The following BMPR1B variants were observed in gnomAD, a reference collection of about 807,000 sequenced individuals.
The protein encoded by BMPR1B is bone morphogenetic protein receptor type 1B, also known as bone morphogenetic protein receptor type-1B.
A neutral mutation model predicts 59.1 loss-of-function variants in BMPR1B; 12 were observed. The ratio of observed to expected loss-of-function variants is 0.20; its 90% CI spans 0.13 to 0.33. The LOEUF (loss-of-function observed/expected upper bound fraction) is 0.33. Ranked by LOEUF, BMPR1B falls within the 10% of genes least tolerant of loss-of-function variation. The pLI is 1.00. For synonymous variants in BMPR1B, 237 were observed against 207.3 expected (o/e 1.14, Z -1.23); for missense variants, 550 against 610.9 (o/e 0.90, Z 1.05).
At chr4:94,791,493 AT>A (rs1722987785) in intron 1 of BMPR1B, among the ~76,000 whole-genome samples, 1 of 152,222 alleles carries the variant, frequency 6.6e-6, no homozygotes, top group Non-Finnish European at 1.5e-5. Flanking sequence ...CTCTTGGGAA[AT>A]TTTGAAATAT....
intron 2 of BMPR1B, among the ~76,000 whole-genome samples, chr4:94,902,226 A>G (rs1190249965): frequency 2.4e-5 from 2 of 84,186 alleles, no homozygotes; most frequent in East Asian, 6.5e-4. Context: ...TCACACACAC[A>G]CACACACACA....
chr4:95,059,659 TTAAA>T (rs67310286), intron 3 of BMPR1B, among the ~76,000 whole-genome samples: 5,303 of 152,320 alleles, frequency 0.035, 122 homozygotes, highest in Non-Finnish European at 0.049. Context: ...TCTTTTTTTG[TTAAA>T]TAAACTTAAT....
intron 3 of BMPR1B, among the ~76,000 whole-genome samples, chr4:95,098,966 T>C (rs1354178855): frequency 1.3e-5 from 2 of 152,190 alleles, no homozygotes; most frequent in African/African-American, 4.8e-5. Flanking sequence ...TCTGCCTGCC[T>C]CAGCCTCCCA....
chr4:94,793,394 C>T (rs1442834359), intron 1 of BMPR1B, among the ~76,000 whole-genome samples: 1 of 151,118 alleles, frequency 6.6e-6, no homozygotes, highest in Non-Finnish European at 1.5e-5. Flanking sequence ...ATATGTGCCA[C>T]ATTTTCTTAA....
intron 1 of BMPR1B, among the ~76,000 whole-genome samples, chr4:94,818,070 G>A (rs1041518854): frequency 6.6e-6 from 1 of 152,052 alleles, no homozygotes; most frequent in Non-Finnish European, 1.5e-5. Context: ...GTTAACCCAG[G>A]TTTGAGGGCC....
chr4:94,976,822 T>A (rs1037626142), intron 2 of BMPR1B, among the ~76,000 whole-genome samples: 1 of 152,138 alleles, frequency 6.6e-6, no homozygotes, highest in African/African-American at 2.4e-5. Context: ...TTGGTCATGT[T>A]GCCATTTGCT....
intron 8 of BMPR1B, among the ~76,000 whole-genome samples, chr4:95,125,867 G>A (rs982909639): frequency 6.6e-6 from 1 of 152,028 alleles, no homozygotes; most frequent in Non-Finnish European, 1.5e-5. Context: ...TTCTTTCCCA[G>A]CTTGGTATGT....
At chr4:95,123,578 A>G (rs1263087207) in intron 6 of BMPR1B, among the ~76,000 whole-genome samples, 1 of 152,118 alleles carries the variant, frequency 6.6e-6, no homozygotes, top group East Asian at 1.9e-4. Flanking sequence ...TTCCTTCCAG[A>G]CAGGAAGAAA....
At chr4:94,931,912 G>A (rs3775027) in intron 2 of BMPR1B, among the ~76,000 whole-genome samples, 6,565 of 152,042 alleles carry the variant, frequency 0.043, 262 homozygotes, top group African/African-American at 0.1. Context: ...GGAGTGTGAG[G>A]TGGAAATTTG....
chr4:95,046,499 G>T (rs1016713913), intron 3 of BMPR1B, among the ~76,000 whole-genome samples: 2 of 152,062 alleles, frequency 1.3e-5, no homozygotes, highest in Admixed American at 1.3e-4. Flanking sequence ...TAACAGTTAG[G>T]TAATGAGCAA....
rs996126478 is a variant in BMPR1B, at chr4:94,827,658, C to T, written c.-182-48173C>T. Among the ~76,000 whole-genome samples, 10 of 152,108 alleles carry T rather than the reference C, an allele frequency of 6.6e-5. 1 individual carries two copies. Among genetic ancestry groups the T allele is most frequent in the Admixed American group, 3.3e-4 (5 of 15,266 alleles). On this transcript the variant is annotated intron_variant, in intron 1 of 12. Coordinates refer to ENST00000515059, the MANE Select transcript of BMPR1B (RefSeq NM_001203.3). ...TTCTTCTCCTAATGATTCATTCTTG[C>T]TGTTTTTGTGGCAGCCAGCAGTGCC...
chr4:95,152,380 T>A lies in BMPR1B; in HGVS notation c.1253-263T>A, dbSNP rs199719164. ...AAAAATGGAAATAAATTTAAGATGC[T>A]TGTTTTACTTAGCTTTTGGAAATTA... On this transcript the variant is annotated intron_variant, in intron 11 of 12. Transcript: ENST00000515059. Among the ~76,000 whole-genome samples, 19 of 152,314 alleles carry A rather than the reference T, an allele frequency of 1.2e-4. No individual in the cohort carries two copies. The East Asian group carries it at 3.5e-3, about 28-fold the overall frequency.
At position 95,131,326 on chromosome 4, in the gene BMPR1B, A is replaced by G. The variant is rs1435147011; in HGVS notation, c.890A>G (p.Asp297Gly). 6.2e-7 allele frequency: 1 copy of G among 1,614,024 alleles called. No homozygotes were observed. Among genetic ancestry groups the G allele is most frequent in the South Asian group, 1.1e-5 (1 of 91,076 alleles). The change falls in exon 10 of 13, where the codon GAC becomes GGC. Residue 297 changes from aspartate (D) to glycine (G), a missense_variant. This residue lies in a region of BMPR1B where 318 missense variants were observed against 284.6 expected (regional missense o/e 1.12). Transcript: ENST00000515059. ...GATTATCTGAAGTCCACCACCCTAG[A>G]CGCTAAATCAATGCTGAAGTTAGCC... is the stretch of plus-strand genomic sequence containing the variant. ...LYDYLKSTTL[D>G]AKSMLKLAYS...
chr4:95,129,835 C>T, intron 8 of BMPR1B, 27 bp from the exon 9 acceptor site: 1 of 1,609,480 alleles, frequency 6.2e-7, no homozygotes, highest in East Asian at 2.2e-5. Context: ...TGTGAATACA[C>T]TAACAGTGTG....
chr4:95,114,568 T>G (rs943029607), intron 4 of BMPR1B, 152 bp from the exon 5 acceptor site: 14 of 724,112 alleles, frequency 1.9e-5, no homozygotes, highest in Non-Finnish European at 2.9e-5. Context: ...AGTTTTTGGA[T>G]TCTCTTAACA....
At chr4:94,927,188 G>A (rs556993540) in intron 2 of BMPR1B, among the ~76,000 whole-genome samples, 1 of 152,134 alleles carries the variant, frequency 6.6e-6, no homozygotes, top group South Asian at 2.1e-4. Context: ...GAATTGATTT[G>A]GCTTCAAACT....
chr4:95,149,582 T>A (rs1372000905), intron 11 of BMPR1B, among the ~76,000 whole-genome samples: 1 of 152,216 alleles, frequency 6.6e-6, no homozygotes, highest in Non-Finnish European at 1.5e-5. Flanking sequence ...TGCTCTACAG[T>A]CTGTCTTCGA....
intron 1 of BMPR1B, among the ~76,000 whole-genome samples, chr4:94,851,281 G>C (rs1560515461): frequency 6.6e-6 from 1 of 152,084 alleles, no homozygotes; most frequent in Admixed American, 6.6e-5. Context: ...TGTCAAACCA[G>C]TTCATTGGTT....
At chr4:94,979,956 G>T (rs1382266600) in intron 2 of BMPR1B, among the ~76,000 whole-genome samples, 1 of 152,184 alleles carries the variant, frequency 6.6e-6, no homozygotes, top group Non-Finnish European at 1.5e-5. Context: ...GCTAGTTTTT[G>T]TGGGGGTACC....
Sources: gnomAD v4.1 joint callset for allele counts (sites outside exome capture counted in the v4.1 genomes callset) on GRCh38, gnomAD v4.1.1 for gene constraint, gnomAD v4.1.1 regional missense constraint, MANE v1.5 for transcripts, NCBI Gene and HGNC (gene_info 2026-07-23, HGNC 2026-07-21) for gene names.